Variants in ME1 observed in about 807,000 individuals in gnomAD.
The protein encoded by ME1 is NADP-dependent malic enzyme.
In ME1, 74 loss-of-function variants were observed where a neutral mutation model predicts 66.4. The observed-to-expected ratio is 1.11, with a 90% CI of 0.92 to 1.35. ME1 has a LOEUF of 1.35. Among genes scored for constraint, ME1 ranks in the 40% most tolerant of loss-of-function variants. The pLI, the probability that ME1 is intolerant of heterozygous loss-of-function variation, is 0.00. For missense variants in ME1, 750 were observed against 694.1 expected (o/e 1.08, Z -0.90); for synonymous variants, 251 against 235.6 (o/e 1.07, Z -0.60).
intron 6 of ME1, among the ~76,000 whole-genome samples, chr6:83,255,779 T>A (rs1397827032): frequency 3.3e-5 from 5 of 152,056 alleles, no homozygotes. Flanking sequence ...ACAACAAATA[T>A]GTTTTCCTTT....
intron 2 of ME1, among the ~76,000 whole-genome samples, chr6:83,400,219 TG>T (rs944816869): frequency 8.5e-5 from 13 of 152,162 alleles, no homozygotes; most frequent in African/African-American, 3.1e-4. Context: ...ATTTGGATCA[TG>T]GGGGTGGATC....
At chr6:83,270,027 T>C (rs956658586) in intron 6 of ME1, among the ~76,000 whole-genome samples, 5 of 152,164 alleles carry the variant, frequency 3.3e-5, no homozygotes, top group African/African-American at 9.7e-5. Context: ...GTCTCTGTAA[T>C]GCTTTTTTAC....
intron 4 of ME1, among the ~76,000 whole-genome samples, chr6:83,347,277 C>G (rs1340813290): frequency 6.6e-6 from 1 of 152,078 alleles, no homozygotes; most frequent in Non-Finnish European, 1.5e-5. Flanking sequence ...TTCTAATTAA[C>G]TTGAATATTT....
chr6:83,406,230 C>G (rs1769941929), intron 2 of ME1, among the ~76,000 whole-genome samples: 1 of 152,126 alleles, frequency 6.6e-6, no homozygotes. Flanking sequence ...ATTCGGTTTG[C>G]AAGTATTTTA....
intron 6 of ME1, among the ~76,000 whole-genome samples, chr6:83,290,945 C>CT (rs548437686): frequency 0.039 from 5,802 of 150,566 alleles, 146 homozygotes; most frequent in Non-Finnish European, 0.058. Context: ...GCAACCCCTG[C>CT]TTTTTTTTTG....
intron 5 of ME1, among the ~76,000 whole-genome samples, chr6:83,317,748 T>C (rs2128539688): frequency 6.6e-6 from 1 of 152,310 alleles, no homozygotes; most frequent in Middle Eastern, 3.4e-3. Context: ...ACAGATTCAA[T>C]GCCATCCCCA....
intron 3 of ME1, chr6:83,393,067 C>T (rs1383778610): frequency 3.1e-5 from 45 of 1,441,002 alleles, no homozygotes; most frequent in Admixed American, 1.4e-4. Context: ...AAGGTCATCC[C>T]TGAGCTAAAC....
intron 3 of ME1, among the ~76,000 whole-genome samples, chr6:83,376,493 C>CA (rs60227281): frequency 0.013 from 1,483 of 118,196 alleles, 16 homozygotes; most frequent in African/African-American, 0.039. Flanking sequence ...GAAACTCTGT[C>CA]AAAAAAAAAA....
chr6:83,357,581 G>A (rs900317824), intron 3 of ME1, among the ~76,000 whole-genome samples: 3 of 152,060 alleles, frequency 2.0e-5, no homozygotes, highest in African/African-American at 7.2e-5. Flanking sequence ...GATCCTGGGT[G>A]TGTCTGTGAG....
At chr6:83,379,395 A>G (rs1769352875) in intron 3 of ME1, among the ~76,000 whole-genome samples, 1 of 152,052 alleles carries the variant, frequency 6.6e-6, no homozygotes, top group Admixed American at 6.6e-5. Context: ...TTAAATTATC[A>G]CTTAGATTTA....
At chr6:83,275,866 G>A (rs1393867097) in intron 6 of ME1, among the ~76,000 whole-genome samples, 2 of 139,508 alleles carry the variant, frequency 1.4e-5, no homozygotes, top group African/African-American at 2.7e-5. Flanking sequence ...TCCGCCTCCC[G>A]GGTTCACGCC....
At position 83,211,680 on chromosome 6, in the gene ME1, T is replaced by G. The variant is rs929171565; in HGVS notation, c.*244A>C. Reference sequence around the variant, plus strand: ...TCTCCGTAGTACGTACAACAGCTTTTAAAGAGAACGTAGGCAGAATAATTC... The same window carrying G: ...TCTCCGTAGTACGTACAACAGCTTTGAAAGAGAACGTAGGCAGAATAATTC... On this transcript the variant is annotated 3_prime_UTR_variant, in exon 14 of 14. Coordinates refer to ENST00000369705, the MANE Select transcript of ME1 (RefSeq NM_002395.6). The G allele has an allele frequency of 3.7e-5, 11 of 294,204 alleles. No individual in the cohort carries two copies. Among genetic ancestry groups the G allele is most frequent in the Non-Finnish European group, 6.2e-5 (10 of 161,116 alleles). The allele number at this position is 294,204 out of a possible 1,614,324, so 18.2% of individuals were successfully genotyped here.
At chr6:83,353,021 A>T (rs1179089482) in intron 3 of ME1, among the ~76,000 whole-genome samples, 1 of 152,130 alleles carries the variant, frequency 6.6e-6, no homozygotes, top group Non-Finnish European at 1.5e-5. Context: ...CATCCTTTAT[A>T]GTTAATTTAT....
intron 7 of ME1, among the ~76,000 whole-genome samples, chr6:83,243,061 C>G (rs1414402998): frequency 6.6e-6 from 1 of 151,636 alleles, no homozygotes; most frequent in Admixed American, 6.6e-5. Flanking sequence ...GATTTGAGAC[C>G]AGCCTGGGCA....
intron 5 of ME1, among the ~76,000 whole-genome samples, chr6:83,327,962 G>C (rs986255088): frequency 6.6e-6 from 1 of 152,034 alleles, no homozygotes; most frequent in African/African-American, 2.4e-5. Context: ...CGTGATTTTT[G>C]GGGCAGGTCC....
chr6:83,323,743 C>A (rs1331327457), intron 5 of ME1, among the ~76,000 whole-genome samples: 1 of 152,138 alleles, frequency 6.6e-6, no homozygotes, highest in Non-Finnish European at 1.5e-5. Flanking sequence ...TAGTGGAAGA[C>A]TTTAACACCC....
Position 83,215,758 on chromosome 6 carries a change from T to A in ME1, c.1548+740A>T, listed in dbSNP as rs924209819. The stretch of plus-strand genomic sequence containing the variant: ...AGGAAACCAAACCTGCAAACATCTT[T>A]ATCTTAGACTTCTAGCTCCCAGAAT... On this transcript the variant is annotated intron_variant, in intron 13 of 13. Transcript: ENST00000369705. Among the ~76,000 whole-genome samples the A allele has an allele frequency of 2.2e-4, 33 of 152,206 alleles. 1 individual carries two copies. Among genetic ancestry groups the A allele is most frequent in the African/African-American group, 7.0e-4 (29 of 41,468 alleles).
intron 4 of ME1, among the ~76,000 whole-genome samples, chr6:83,349,887 C>A (rs1768764779): frequency 6.6e-6 from 1 of 152,184 alleles, no homozygotes; most frequent in Admixed American, 6.5e-5. Context: ...ACCCCATTCT[C>A]TTACCGAACT....
chr6:83,334,016 G>T (rs896116479), intron 5 of ME1, among the ~76,000 whole-genome samples: 5 of 151,950 alleles, frequency 3.3e-5, no homozygotes, highest in African/African-American at 1.2e-4. Flanking sequence ...CGTGAGCGAC[G>T]CAGAAGACGG....
Sources: gnomAD v4.1 joint callset for allele counts (sites outside exome capture counted in the v4.1 genomes callset) on GRCh38, gnomAD v4.1.1 for gene constraint, MANE v1.5 for transcripts, NCBI Gene and HGNC (gene_info 2026-07-23, HGNC 2026-07-21) for gene names.